The following DCT variants were observed in gnomAD, a reference collection of about 807,000 sequenced individuals.
DCT encodes dopachrome tautomerase.
DCT carries 47 observed loss-of-function variants against 53.0 expected under a neutral mutation model. The observed-to-expected ratio is 0.89, with a 90% CI of 0.70 to 1.13. The LOEUF (loss-of-function observed/expected upper bound fraction) is 1.13. Among genes scored for constraint, DCT ranks in the 50% most tolerant of loss-of-function variants. DCT has a pLI of 0.00. For synonymous variants in DCT, 244 were observed against 237.0 expected (o/e 1.03, Z -0.27); for missense variants, 669 against 637.4 (o/e 1.05, Z -0.53).
At chr13:94,475,442 C>T (rs1234434814) in intron 1 of DCT, among the ~76,000 whole-genome samples, 5 of 152,170 alleles carry the variant, frequency 3.3e-5, no homozygotes, top group Non-Finnish European at 4.4e-5. Flanking sequence ...GAAGGACAAA[C>T]TCTGCATGAT....
chr13:94,484,617 C>G (rs1885586064), upstream of DCT, among the ~76,000 whole-genome samples: 5 of 152,196 alleles, frequency 3.3e-5, no homozygotes, highest in Admixed American at 2.6e-4. Flanking sequence ...ATTCGTCTGT[C>G]AAGGCCTCTG....
At chr13:94,545,559 TAG>T in the DCT span, among the ~76,000 whole-genome samples, 1 of 152,060 alleles carries the variant, frequency 6.6e-6, no homozygotes, top group African/African-American at 2.4e-5. Context: ...GGCTCCCAGT[TAG>T]CTAACTCCAG....
At chr13:94,458,615 A>G (rs1883564774) in intron 6 of DCT, among the ~76,000 whole-genome samples, 1 of 152,074 alleles carries the variant, frequency 6.6e-6, no homozygotes, top group African/African-American at 2.4e-5. Context: ...CAGTCTGGCC[A>G]ATATGGTGAA....
chr13:94,497,881 T>TGTGC, the DCT span, among the ~76,000 whole-genome samples: 2 of 151,874 alleles, frequency 1.3e-5, no homozygotes, highest in Non-Finnish European at 2.9e-5. Context: ...CCTATATGTG[T>TGTGC]GTGTGTGTGT....
the DCT span, among the ~76,000 whole-genome samples, chr13:94,543,777 G>A: frequency 6.6e-6 from 1 of 152,180 alleles, no homozygotes; most frequent in Non-Finnish European, 1.5e-5. Flanking sequence ...GCTCACGCCT[G>A]TAATCCCAGC....
chr13:94,488,723 T>TACACAC, the DCT span, among the ~76,000 whole-genome samples: 49 of 139,226 alleles, frequency 3.5e-4, no homozygotes, highest in Admixed American at 6.7e-4. Context: ...GTCTAATATA[T>TACACAC]ACACACACAC....
At chr13:94,490,298 A>G in the DCT span, among the ~76,000 whole-genome samples, 1 of 152,012 alleles carries the variant, frequency 6.6e-6, no homozygotes, top group Non-Finnish European at 1.5e-5. Flanking sequence ...TGAGGTCAGG[A>G]GTTCTAGACC....
At chr13:94,477,628 C>T (rs118148666) in intron 1 of DCT, among the ~76,000 whole-genome samples, 2,530 of 150,038 alleles carry the variant, frequency 0.017, 38 homozygotes, top group Non-Finnish European at 0.026. Context: ...ACTTGTATCC[C>T]CAGGATCTAA....
chr13:94,533,980 G>A, the DCT span, among the ~76,000 whole-genome samples: 1 of 152,018 alleles, frequency 6.6e-6, no homozygotes, highest in Non-Finnish European at 1.5e-5. Context: ...TACACTTTGA[G>A]TGTAGGTTGA....
In DCT at chr13:94,443,652, G is replaced by T. The variant is rs1454861717; in HGVS notation, c.1180-15C>A. On this transcript the variant is annotated splice_polypyrimidine_tract_variant and intron_variant, in intron 6 of 7. Transcript: ENST00000377028. ...GAATGAAGAACCTGCAAAACAGTTG[G>T]ACACAGCATTTAACATAAATCAGTC... is the stretch of plus-strand genomic sequence containing the variant. 1 of 1,600,658 alleles carries T rather than the reference G, an allele frequency of 6.2e-7. No homozygotes were observed.
At chr13:94,441,310 C>A (rs1482370836) in intron 7 of DCT, among the ~76,000 whole-genome samples, 2 of 152,108 alleles carry the variant, frequency 1.3e-5, no homozygotes, top group Non-Finnish European at 2.9e-5. Context: ...TTGCTTTTGT[C>A]CAAATCCTCT....
In DCT at chr13:94,438,138, A is replaced by G. The variant is rs1217970783; in HGVS notation, c.*1760T>C. On this transcript the variant is annotated 3_prime_UTR_variant, in exon 8 of 8. Transcript: ENST00000377028. ...GCACAATTATATCTCCATTTTAATA[A>G]ATTTCTCTTTTTGTTTAAAACCAAG... 6.6e-6 allele frequency: 1 copy of G among 152,388 alleles called. No homozygotes were observed. The highest frequency in any genetic ancestry group is 2.4e-5 in the African/African-American group (1 of 41,474). 9.4% of individuals were successfully genotyped at this position (152,388 alleles called of 1,614,324 possible). A position where few individuals can be genotyped will look rare whatever the true frequency, so the allele number is the denominator to read the frequency against.
chr13:94,446,426 A>G (rs1168180949), intron 6 of DCT, among the ~76,000 whole-genome samples: 2 of 152,208 alleles, frequency 1.3e-5, no homozygotes, highest in Non-Finnish European at 2.9e-5. Context: ...CATATAGCCA[A>G]TGAGGAGCTG....
At chr13:94,477,089 C>CTATT (rs1011245965) in intron 1 of DCT, among the ~76,000 whole-genome samples, 11 of 151,938 alleles carry the variant, frequency 7.2e-5, no homozygotes, top group South Asian at 2.1e-4. Flanking sequence ...AAAGCCAGAA[C>CTATT]TATTTATTTA....
At chr13:94,472,490 G>A (rs1884706736) in intron 1 of DCT, among the ~76,000 whole-genome samples, 2 of 118,672 alleles carry the variant, frequency 1.7e-5, no homozygotes, top group African/African-American at 3.3e-5. Flanking sequence ...ACTACATCTG[G>A]TATACAGTGA....
the DCT span, among the ~76,000 whole-genome samples, chr13:94,488,646 C>T: frequency 6.6e-6 from 1 of 151,384 alleles, no homozygotes; most frequent in Non-Finnish European, 1.5e-5. Flanking sequence ...GCCCAAGAGG[C>T]AGAGGTTGCA....
chr13:94,466,605 C>A lies in DCT; in HGVS notation c.649G>T (p.Val217Phe). The A allele has an allele frequency of 3.1e-6, 5 of 1,612,300 alleles. No individual in the cohort carries two copies. The highest frequency in any genetic ancestry group is 4.2e-6 in the Non-Finnish European group (5 of 1,179,066). The change falls in exon 3 of 8, where the codon GTT becomes TTT. Residue 217 changes from valine (V) to phenylalanine (F), a missense_variant. Val to Phe is a conservative substitution (Grantham distance 50). Transcript: ENST00000377028. ...AACAAATGGTACCGGTGCCAGGTAA[C>A]AAATGCAGGTCCTTGATGTGAGAAA... is the stretch of plus-strand genomic sequence containing the variant. ...IDFSHQGPAF[V>F]TWHRYHLLCL...
chr13:94,451,035 C>T (rs1371640631), intron 6 of DCT, among the ~76,000 whole-genome samples: 5 of 152,006 alleles, frequency 3.3e-5, no homozygotes, highest in Admixed American at 3.3e-4. Context: ...ACATTTAGCA[C>T]CTGTGAAATT....
At chr13:94,444,638 T>A (rs1882601314) in intron 6 of DCT, among the ~76,000 whole-genome samples, 1 of 152,230 alleles carries the variant, frequency 6.6e-6, no homozygotes, top group South Asian at 2.1e-4. Flanking sequence ...TGTTCCTTCC[T>A]GGATGGTAAG....
Sources: gnomAD v4.1 joint callset for allele counts (sites outside exome capture counted in the v4.1 genomes callset) on GRCh38, gnomAD v4.1.1 for gene constraint, MANE v1.5 for transcripts, NCBI Gene and HGNC (gene_info 2026-07-23, HGNC 2026-07-21) for gene names.